Variants in RIT2 observed in about 807,000 individuals in gnomAD.
RIT2 encodes GTP-binding protein Rit2.
In RIT2, 24 loss-of-function variants were observed where a neutral mutation model predicts 23.7. That is an observed-to-expected ratio of 1.01 (90% CI 0.73 to 1.43). The LOEUF (loss-of-function observed/expected upper bound fraction) is 1.43. Among genes scored for constraint, RIT2 ranks in the 40% most tolerant of loss-of-function variants. The pLI, the probability that RIT2 is intolerant of heterozygous loss-of-function variation, is 0.00. For missense variants in RIT2, 236 were observed against 266.9 expected, an observed-to-expected ratio of 0.88 and a Z score of 0.81; for synonymous variants, 107 against 91.1, an observed-to-expected ratio of 1.17 and a Z score of -0.99.
At chr18:43,087,257 A>T (rs2144355430) in intron 1 of RIT2, among the ~76,000 whole-genome samples, 1 of 152,196 alleles carries the variant, frequency 6.6e-6, no homozygotes, top group African/African-American at 2.4e-5. Context: ...AAATAAAATA[A>T]AATAAAAAAG....
chr18:42,947,504 C>T (rs574670944), intron 3 of RIT2, among the ~76,000 whole-genome samples: 11 of 152,178 alleles, frequency 7.2e-5, no homozygotes, highest in East Asian at 1.9e-4. Context: ...TTACTGCCTA[C>T]GCCATTTCAT....
intron 1 of RIT2, among the ~76,000 whole-genome samples, chr18:43,054,090 A>G (rs963552515): frequency 6.6e-5 from 10 of 152,126 alleles, no homozygotes; most frequent in Non-Finnish European, 1.2e-4. Context: ...AGGGGAAATC[A>G]GCTCTTTGTT....
chr18:42,847,812 G>A (rs1393899412), intron 4 of RIT2, among the ~76,000 whole-genome samples: 4 of 151,664 alleles, frequency 2.6e-5, no homozygotes, highest in Non-Finnish European at 2.9e-5. Context: ...AAAAATATAA[G>A]TTAAATGAAG....
chr18:43,043,913 T>A (rs1306921253), intron 1 of RIT2, among the ~76,000 whole-genome samples: 1 of 152,160 alleles, frequency 6.6e-6, no homozygotes, highest in African/African-American at 2.4e-5. Flanking sequence ...TTTTCTAAAT[T>A]GCATTGAGTT....
At chr18:42,990,316 G>C (rs758010465) in intron 2 of RIT2, among the ~76,000 whole-genome samples, 13 of 152,068 alleles carry the variant, frequency 8.5e-5, no homozygotes, top group Non-Finnish European at 1.6e-4. Flanking sequence ...CCACATTAGG[G>C]AGGGCGATTT....
chr18:42,811,986 G>A (rs1905865088), intron 4 of RIT2, among the ~76,000 whole-genome samples: 1 of 152,008 alleles, frequency 6.6e-6, no homozygotes, highest in African/African-American at 2.4e-5. Flanking sequence ...GGGGCTACGG[G>A]TACATAAAGA....
At chr18:42,953,911 A>G (rs1185442773) in intron 3 of RIT2, among the ~76,000 whole-genome samples, 2 of 152,130 alleles carry the variant, frequency 1.3e-5, no homozygotes, top group South Asian at 2.1e-4. Flanking sequence ...GGCTTTTCTT[A>G]TCTTCTAGAA....
At chr18:42,811,616 T>C (rs1249100091) in intron 4 of RIT2, among the ~76,000 whole-genome samples, 2 of 152,026 alleles carry the variant, frequency 1.3e-5, no homozygotes, top group Admixed American at 6.6e-5. Context: ...TATAAATATC[T>C]AATAACTAAA....
intron 2 of RIT2, among the ~76,000 whole-genome samples, chr18:43,013,449 T>C (rs573299455): frequency 2.0e-5 from 3 of 151,802 alleles, no homozygotes; most frequent in Non-Finnish European, 4.4e-5. Flanking sequence ...GTGGGGAGAA[T>C]GTTGAACTTT....
intron 4 of RIT2, among the ~76,000 whole-genome samples, chr18:42,864,774 C>A (rs1484791387): frequency 2.0e-5 from 3 of 152,176 alleles, no homozygotes; most frequent in African/African-American, 4.8e-5. Flanking sequence ...ACAAGCTTAA[C>A]AATTTTCAGT....
intron 4 of RIT2, among the ~76,000 whole-genome samples, chr18:42,812,300 G>C (rs564074454): frequency 6.6e-4 from 101 of 152,252 alleles, no homozygotes; most frequent in Non-Finnish European, 1.2e-3. Context: ...TCCAGAAATG[G>C]AGCTTCCCTC....
chr18:43,024,909 T>A (rs559732989), intron 2 of RIT2, among the ~76,000 whole-genome samples: 1 of 152,096 alleles, frequency 6.6e-6, no homozygotes, highest in Non-Finnish European at 1.5e-5. Flanking sequence ...AGAATGGCTA[T>A]CATTAACAAG....
chr18:43,113,110 C>T (rs76179927), intron 1 of RIT2, among the ~76,000 whole-genome samples: 8,284 of 152,122 alleles, frequency 0.054, 265 homozygotes, highest in South Asian at 0.098. Context: ...ATTTTTAGCT[C>T]ATTTGAAAGC....
At chr18:42,816,140 CAA>C (rs397858218) in intron 4 of RIT2, among the ~76,000 whole-genome samples, 12 of 133,726 alleles carry the variant, frequency 9.0e-5, no homozygotes, top group Non-Finnish European at 9.7e-5. Flanking sequence ...GATCTCCAAG[CAA>C]AAAAAAAAAA....
At chr18:43,033,454 A>AATACAT (rs1911904244) in intron 2 of RIT2, among the ~76,000 whole-genome samples, 2 of 152,132 alleles carry the variant, frequency 1.3e-5, no homozygotes, top group Admixed American at 1.3e-4. Context: ...GAAGTGAGCA[A>AATACAT]ATACATATAT....
chr18:42,756,723 ATG>A (rs1913171682), intron 4 of RIT2, among the ~76,000 whole-genome samples: 2 of 152,126 alleles, frequency 1.3e-5, no homozygotes, highest in African/African-American at 4.8e-5. Flanking sequence ...ATAAATAAAT[ATG>A]TGTGTTTGAT....
intron 1 of RIT2, among the ~76,000 whole-genome samples, chr18:43,091,605 A>G (rs1275947660): frequency 6.6e-6 from 1 of 152,040 alleles, no homozygotes; most frequent in Non-Finnish European, 1.5e-5. Context: ...ATTTCCTATG[A>G]GCCACATGTG....
intron 3 of RIT2, among the ~76,000 whole-genome samples, chr18:42,933,965 C>A (rs1043836871): frequency 2.0e-5 from 3 of 149,898 alleles, no homozygotes; most frequent in African/African-American, 7.4e-5. Flanking sequence ...TTGCAGTGAG[C>A]CGAGATCACA....
chr18:43,026,588 GAAAGA>G (rs1555652892), intron 2 of RIT2, among the ~76,000 whole-genome samples: 6 of 109,704 alleles, frequency 5.5e-5, no homozygotes, highest in African/African-American at 1.3e-4. Flanking sequence ...AAGAAAGAAA[GAAAGA>G]AAGAAAGAAA....
Sources: gnomAD v4.1 joint callset for allele counts (sites outside exome capture counted in the v4.1 genomes callset) on GRCh38, gnomAD v4.1.1 for gene constraint, MANE v1.5 for transcripts, NCBI Gene and HGNC (gene_info 2026-07-23, HGNC 2026-07-21) for gene names.